The following TOP2A variants were observed in gnomAD, a reference collection of about 807,000 sequenced individuals.
TOP2A encodes DNA topoisomerase 2-alpha.
TOP2A carries 68 observed loss-of-function variants against 187.2 expected under a neutral mutation model. The ratio of observed to expected loss-of-function variants is 0.36; its 90% CI spans 0.30 to 0.44. TOP2A has a LOEUF of 0.44. Among genes scored for constraint, TOP2A ranks in the 20% least tolerant of loss-of-function variants. The probability of loss-of-function intolerance (pLI) is 1.00; values close to 1 mark genes in which losing one functional copy is unlikely to be tolerated. For synonymous variants in TOP2A, 542 were observed against 593.2 expected, an observed-to-expected ratio of 0.91 and a Z score of 1.25; for missense variants, 1,196 against 1,808.7, an observed-to-expected ratio of 0.66 and a Z score of 6.14.
chr17:40,409,018 A>C, intron 10 of TOP2A: 1 of 371,956 alleles, frequency 2.7e-6, no homozygotes, highest in Middle Eastern at 9.2e-4. Context: ...AACATGGCGA[A>C]ACCCCGGCTC....
rs758383985 is a variant in TOP2A at position 40,406,417 on chromosome 17, A to G, written c.1920T>C (p.Tyr640=). Residue 640 remains tyrosine (Y), a synonymous_variant, in exon 16 of 35, where the codon TAT becomes TAC. Coordinates refer to ENST00000423485, the MANE Select transcript of TOP2A (RefSeq NM_001067.4). ...TAGCAGCATCATCTTCAGGACCAGAATATTTGAACTGGATACGATGTCTTT... is the reference window on the plus strand; with the variant it reads ...TAGCAGCATCATCTTCAGGACCAGAGTATTTGAACTGGATACGATGTCTTT... The part of the protein sequence containing the change: ...DMKRHRIQFK[Y]SGPEDDAAIS... 2.5e-6 allele frequency: 4 copies of G among 1,613,564 alleles called. No homozygotes were observed. Among genetic ancestry groups the G allele is most frequent in the Non-Finnish European group, 3.4e-6 (4 of 1,179,584 alleles).
Position 40,391,610 on chromosome 17 carries a change from A to G in TOP2A, c.4163T>C (p.Val1388Ala). 1 of 1,610,400 alleles carries G rather than the reference A, an allele frequency of 6.2e-7. No individual in the cohort carries two copies. Among genetic ancestry groups the G allele is most frequent in the Non-Finnish European group, 8.5e-7 (1 of 1,178,472 alleles). The change falls in exon 33 of 35, where the codon GTA becomes GCA. Residue 1388 changes from valine (V) to alanine (A), a missense_variant. Val to Ala is a moderately conservative substitution (Grantham distance 64). Coordinates refer to ENST00000423485, the MANE Select transcript of TOP2A (RefSeq NM_001067.4). ...AGCAGGAGGGCTTGAAGACAGTGGT[A>G]CACTGCCCTTAACATCATCAGCTTC... ...DLEADDVKGS[V>A]PLSSSPPATH...
chr17:40,406,390 G>A lies in TOP2A; in HGVS notation c.1947C>T (p.Ile649=). 1 of 1,610,904 alleles carries A rather than the reference G, an allele frequency of 6.2e-7. No individual in the cohort carries two copies. Among genetic ancestry groups the A allele is most frequent in the South Asian group, 1.1e-5 (1 of 90,834 alleles). The change falls in exon 16 of 35, where the codon ATC becomes ATT. Residue 649 remains isoleucine (I), a synonymous_variant. Transcript: ENST00000423485. ...AAATACAACTCAAACCTACCAGGCT[G>A]ATAGCAGCATCATCTTCAGGACCAG... The part of the protein sequence containing the change: ...KYSGPEDDAA[I]SLAFSKKQID...
intron 13 of TOP2A, 100 bp downstream of exon 13, chr17:40,407,449 C>CCTA (rs1250766587): frequency 7.5e-6 from 7 of 935,278 alleles, no homozygotes; most frequent in Middle Eastern, 3.4e-4. Flanking sequence ...GAATAAAGCT[C>CCTA]CTATTTAACT....
chr17:40,402,772 G>T, intron 20 of TOP2A, 134 bp downstream of exon 20: 1 of 877,904 alleles, frequency 1.1e-6, no homozygotes, highest in Non-Finnish European at 1.7e-6. Flanking sequence ...TCCTGTATAA[G>T]CCTCACCCCT....
chr17:40,416,173 TG>T, intron 3 of TOP2A, 105 bp from the exon 4 acceptor site: 1 of 937,754 alleles, frequency 1.1e-6, no homozygotes, highest in Non-Finnish European at 1.6e-6. Context: ...AGCACAGGAG[TG>T]GCATTAACAA....
rs926165415 is a variant in TOP2A at position 40,391,367 on chromosome 17, G to A, written c.4267+139C>T. ...ACTACTAATTTTGATTATAAAGATC[G>A]AAAAGAAATTGCTTCCAATTGGAAA... On this transcript the variant is annotated intron_variant, in intron 33 of 34. Coordinates refer to ENST00000423485, the MANE Select transcript of TOP2A (RefSeq NM_001067.4). 82 of 857,122 alleles carry A rather than the reference G, an allele frequency of 9.6e-5. No homozygotes were observed. The East Asian group carries it at 1.9e-3, about 20-fold the overall frequency. 53.1% of individuals were successfully genotyped at this position (857,122 alleles called of 1,614,324 possible). A position where few individuals can be genotyped will look rare whatever the true frequency, so the allele number is the denominator to read the frequency against.
intron 28 of TOP2A, among the ~76,000 whole-genome samples, chr17:40,395,884 T>G (rs1209606713): frequency 6.6e-6 from 1 of 152,012 alleles, no homozygotes; most frequent in Non-Finnish European, 1.5e-5. Context: ...CGAGACTCCA[T>G]CTCAACAACA....
In TOP2A at chr17:40,400,204, C is replaced by T. The variant is rs1319737735; in HGVS notation, c.3000+5G>A. On this transcript the variant is annotated splice_donor_5th_base_variant and intron_variant, in intron 23 of 34. Transcript: ENST00000423485. Reference sequence around the variant, plus strand: ...ACGTGTACATCTCACAAAACAAATACATACCATAGAGTTGCATGTGAGACT... The same window carrying T: ...ACGTGTACATCTCACAAAACAAATATATACCATAGAGTTGCATGTGAGACT... The T allele has an allele frequency of 1.2e-6, 2 of 1,613,358 alleles. No homozygotes were observed. The highest frequency in any genetic ancestry group is 1.7e-6 in the Non-Finnish European group (2 of 1,179,394).
At chr17:40,390,874 C>G (rs1393011335) in intron 33 of TOP2A, among the ~76,000 whole-genome samples, 1 of 152,156 alleles carries the variant, frequency 6.6e-6, no homozygotes, top group Non-Finnish European at 1.5e-5. Flanking sequence ...ATCCACCCAC[C>G]TTGGCCTCCC....
At chr17:40,404,297 C>A (rs368661695) in intron 18 of TOP2A, 24 bp from the exon 19 acceptor site, 2 of 1,610,372 alleles carry the variant, frequency 1.2e-6, no homozygotes, top group Non-Finnish European at 1.7e-6. Flanking sequence ...TAAGAGCAAA[C>A]GTAAGTATCC....
intron 1 of TOP2A, among the ~76,000 whole-genome samples, 151 bp from the exon 2 acceptor site, chr17:40,417,046 G>GA (rs1332738438): frequency 6.6e-6 from 1 of 152,070 alleles, no homozygotes; most frequent in Non-Finnish European, 1.5e-5. Flanking sequence ...GTACAAATAG[G>GA]ACAATTTAAA....
intron 20 of TOP2A, 33 bp from the exon 21 acceptor site, chr17:40,401,114 A>G: frequency 6.4e-7 from 1 of 1,561,460 alleles, no homozygotes; most frequent in Non-Finnish European, 8.8e-7. Context: ...GTTATTTTAC[A>G]AAAATACTGA....
intron 29 of TOP2A, among the ~76,000 whole-genome samples, chr17:40,393,158 C>T (rs2035047526): frequency 6.6e-6 from 1 of 151,686 alleles, no homozygotes; most frequent in African/African-American, 2.4e-5. Flanking sequence ...CCCATCTCTA[C>T]AAAAAATACA....
At chr17:40,392,927 C>T (rs186002160) in intron 29 of TOP2A, among the ~76,000 whole-genome samples, 190 bp from the exon 30 acceptor site, 1 of 152,240 alleles carries the variant, frequency 6.6e-6, no homozygotes, top group Non-Finnish European at 1.5e-5. Context: ...ATAAATGTGG[C>T]CGGGCACAGT....
intron 32 of TOP2A, 127 bp downstream of exon 32, chr17:40,391,941 A>G (rs2035026355): frequency 9.7e-7 from 1 of 1,033,910 alleles, no homozygotes; most frequent in African/African-American, 1.6e-5. Flanking sequence ...GTATCAACAT[A>G]ATGTTAATAA....
chr17:40,400,264 C>T lies in TOP2A; in HGVS notation c.2945G>A (p.Arg982Lys). The change falls in exon 23 of 35, where the codon AGA (arginine) becomes AAA (lysine). Residue 982 changes from arginine (R) to lysine (K), a missense_variant. Around this residue, in one of 10 missense-constraint regions of TOP2A, gnomAD observed 232 missense variants for 306.1 expected, o/e 0.76. Transcript: ENST00000423485. ...TTTGAAGACTTTGTGTAGTCCAACT[C>T]TCTCTGCCTCTGCCAGTTTTTCTTC... ...MTEEKLAEAE[R>K]VGLHKVFKLQ... 1 of 1,613,846 alleles carries T rather than the reference C, an allele frequency of 6.2e-7. No homozygotes were observed. Among genetic ancestry groups the T allele is most frequent in the Non-Finnish European group, 8.5e-7 (1 of 1,179,870 alleles).
rs766571967 is a variant in TOP2A at position 40,411,603 on chromosome 17, T to C, written c.963+42A>G. The C allele has an allele frequency of 3.2e-6, 5 of 1,584,072 alleles. No individual in the cohort carries two copies. The highest frequency in any genetic ancestry group is 1.7e-5 in the Admixed American group (1 of 58,736). On this transcript the variant is annotated intron_variant, in intron 8 of 34. Coordinates refer to ENST00000423485, the MANE Select transcript of TOP2A (RefSeq NM_001067.4). The surrounding 1 kb of genome is among the most constrained non-coding windows in gnomAD (Gnocchi z 4.4). ...ATTAAAAACAATAAGAACACATATA[T>C]GTAAAGATAAATCATGATTAATAAT...
Position 40,396,387 on chromosome 17 carries a change from G to T in TOP2A, c.3616C>A (p.Gln1206Lys), listed in dbSNP as rs767318869. ...KGGKAKGKKT[Q>K]MAEVLPSPRG... ...GGAGAAGGCAAAACTTCAGCCATTT[G>T]TGTTTTTTTCCCCTTGGCCTTCCCC... The change falls in exon 28 of 35, where the codon CAA (glutamine) becomes AAA (lysine). Residue 1206 changes from glutamine (Q) to lysine (K), a missense_variant. This residue lies in a region of TOP2A where 374 missense variants were observed against 403.3 expected (regional missense o/e 0.93). Transcript: ENST00000423485. 2.6e-5 allele frequency: 42 copies of T among 1,613,818 alleles called. No homozygotes were observed. The South Asian group carries it at 4.4e-4, about 17-fold the overall frequency.
Sources: gnomAD v4.1 joint callset for allele counts (sites outside exome capture counted in the v4.1 genomes callset) on GRCh38, gnomAD v4.1.1 for gene constraint, gnomAD v4.1.1 regional missense constraint, Gnocchi (gnomAD v3.1) non-coding constraint, MANE v1.5 for transcripts, NCBI Gene and HGNC (gene_info 2026-07-23, HGNC 2026-07-21) for gene names.